The following JAZF1 variants were observed in gnomAD, a reference collection of about 807,000 sequenced individuals.
The protein encoded by JAZF1 is juxtaposed with another zinc finger protein 1.
Under a neutral mutation model 26.4 loss-of-function variants are expected in JAZF1, and 8 were observed. That is an observed-to-expected ratio of 0.30 (90% CI 0.18 to 0.55). The LOEUF is 0.55. Ranked by LOEUF, JAZF1 falls within the 20% of genes least tolerant of loss-of-function variation. JAZF1 has a pLI of 0.94. For synonymous variants in JAZF1, 126 were observed against 122.3 expected (o/e 1.03, Z -0.20); for missense variants, 199 against 322.0 (o/e 0.62, Z 2.92).
At chr7:28,056,839 C>A (rs1783720594) in intron 1 of JAZF1, among the ~76,000 whole-genome samples, 1 of 152,172 alleles carries the variant, frequency 6.6e-6, no homozygotes, top group Non-Finnish European at 1.5e-5. Context: ...AAGTAAGGTA[C>A]AACGATATTC....
intron 1 of JAZF1, among the ~76,000 whole-genome samples, chr7:28,110,999 TCAA>T (rs1178801765): frequency 6.6e-6 from 1 of 152,086 alleles, no homozygotes; most frequent in Non-Finnish European, 1.5e-5. Context: ...TGCAATCTGG[TCAA>T]CAAGATGGAC....
chr7:27,957,184 C>T (rs982740465), intron 2 of JAZF1, among the ~76,000 whole-genome samples: 1 of 152,170 alleles, frequency 6.6e-6, no homozygotes, highest in Non-Finnish European at 1.5e-5. Flanking sequence ...CTCCTGTGAC[C>T]TTCAGGAACA....
chr7:27,945,318 C>T (rs911689112), intron 2 of JAZF1, among the ~76,000 whole-genome samples: 6 of 152,068 alleles, frequency 3.9e-5, no homozygotes, highest in African/African-American at 9.7e-5. Flanking sequence ...CGGGGCAAGC[C>T]ATGCCCAGCA....
intron 1 of JAZF1, chr7:27,992,235 A>G: frequency 1.8e-6 from 1 of 559,850 alleles, no homozygotes. Context: ...CTCTTGCACA[A>G]TCCCCCTTAT....
chr7:28,032,573 G>T (rs1302903858), intron 1 of JAZF1, among the ~76,000 whole-genome samples: 1 of 152,094 alleles, frequency 6.6e-6, no homozygotes, highest in African/African-American at 2.4e-5. Context: ...TCATTTGCTA[G>T]ATCAGATAGC....
intron 2 of JAZF1, among the ~76,000 whole-genome samples, chr7:27,959,528 G>A (rs1785154583): frequency 6.6e-6 from 1 of 152,068 alleles, no homozygotes; most frequent in Non-Finnish European, 1.5e-5. Flanking sequence ...ATATTTCTTT[G>A]TCTCTTCTAA....
intron 1 of JAZF1, among the ~76,000 whole-genome samples, chr7:28,004,466 G>A (rs1034518587): frequency 6.6e-6 from 1 of 152,036 alleles, no homozygotes; most frequent in Non-Finnish European, 1.5e-5. Context: ...GTCAGGGTTG[G>A]CAATTACTAT....
intron 1 of JAZF1, among the ~76,000 whole-genome samples, chr7:28,174,058 T>C (rs1011122116): frequency 6.6e-6 from 1 of 152,152 alleles, no homozygotes; most frequent in Non-Finnish European, 1.5e-5. Flanking sequence ...CTTCAGATTC[T>C]AAATAAATAA....
chr7:28,051,055 C>T (rs1783604384), intron 1 of JAZF1, among the ~76,000 whole-genome samples: 1 of 149,122 alleles, frequency 6.7e-6, no homozygotes, highest in South Asian at 2.1e-4. Context: ...TCGCGTGAAC[C>T]TGGGAGGTGG....
chr7:28,088,407 T>C (rs1479583031), intron 1 of JAZF1, among the ~76,000 whole-genome samples: 2 of 152,236 alleles, frequency 1.3e-5, no homozygotes, highest in African/African-American at 2.4e-5. Flanking sequence ...ATAAGTGCTA[T>C]TGGTGGCTCC....
intron 2 of JAZF1, among the ~76,000 whole-genome samples, chr7:27,984,416 T>C (rs1423195285): frequency 1.3e-5 from 2 of 152,190 alleles, no homozygotes; most frequent in Non-Finnish European, 1.5e-5. Context: ...ATCCTAAATA[T>C]ATAGGCACCC....
chr7:28,132,040 C>T (rs1377603001), intron 1 of JAZF1, among the ~76,000 whole-genome samples: 1 of 152,120 alleles, frequency 6.6e-6, no homozygotes, highest in Non-Finnish European at 1.5e-5. Flanking sequence ...TGATCAGATG[C>T]TTCTTGGGTA....
intron 1 of JAZF1, among the ~76,000 whole-genome samples, chr7:28,016,361 C>G (rs578044989): frequency 6.6e-6 from 1 of 152,198 alleles, no homozygotes; most frequent in Non-Finnish European, 1.5e-5. Context: ...GCTAAGAGGC[C>G]TGAACAACCC....
At chr7:28,091,467 A>G (rs535460876) in intron 1 of JAZF1, among the ~76,000 whole-genome samples, 1 of 151,876 alleles carries the variant, frequency 6.6e-6, no homozygotes, top group Admixed American at 6.6e-5. Flanking sequence ...TTTTTTATTT[A>G]GGTATTTCCC....
At chr7:27,913,291 ATTTG>A in intron 2 of JAZF1, 1 of 297,682 alleles carries the variant, frequency 3.4e-6, no homozygotes, top group Non-Finnish European at 6.6e-6. Context: ...ATATATATAT[ATTTG>A]TGTGTGTGTG....
chr7:27,830,917 G>C lies in JAZF1; in HGVS notation c.*1883C>G, dbSNP rs1315915347. 4.6e-6 allele frequency: 1 copy of C among 216,556 alleles called. No individual in the cohort carries two copies. The highest frequency in any genetic ancestry group is 9.3e-6 in the Non-Finnish European group (1 of 107,286). 13.4% of individuals were successfully genotyped at this position (216,556 alleles called of 1,614,324 possible). The stretch of plus-strand genomic sequence containing the variant: ...CATGCACAATGACTATTTTATGACT[G>C]TTTAGCTGTTGAACTACTGATCCAG... On this transcript the variant is annotated 3_prime_UTR_variant, in exon 5 of 5. Transcript: ENST00000283928.
intron 1 of JAZF1, among the ~76,000 whole-genome samples, chr7:28,096,330 C>G (rs1240936129): frequency 3.3e-5 from 5 of 152,220 alleles, no homozygotes; most frequent in Non-Finnish European, 1.5e-5. Flanking sequence ...TAAGCTATGA[C>G]AAGAAGCAGT....
At chr7:27,991,221 TA>T (rs1359054386) in intron 2 of JAZF1, among the ~76,000 whole-genome samples, 4 of 152,198 alleles carry the variant, frequency 2.6e-5, no homozygotes, top group Non-Finnish European at 4.4e-5. Flanking sequence ...TCATTCTCAT[TA>T]AAAACTAGTT....
intron 1 of JAZF1, among the ~76,000 whole-genome samples, chr7:27,994,014 TTC>T (rs1375979607): frequency 6.6e-6 from 1 of 150,746 alleles, no homozygotes; most frequent in Admixed American, 6.6e-5. Context: ...TTCTAAAGAT[TTC>T]TTTTTTTCTC....
Sources: allele counts gnomAD v4.1 joint callset (sites outside exome capture counted in the v4.1 genomes callset), GRCh38; gene constraint gnomAD v4.1.1; transcripts MANE v1.5; gene names NCBI Gene and HGNC (gene_info 2026-07-23, HGNC 2026-07-21).